SLC6A15: variants seen among roughly 807,000 people sequenced by gnomAD.
SLC6A15 encodes the protein solute carrier family 6 member 15.
Under a neutral mutation model 68.5 loss-of-function variants are expected in SLC6A15, and 33 were observed. The observed-to-expected ratio is 0.48, with a 90% CI of 0.37 to 0.64. The LOEUF is 0.64. Among genes scored for constraint, SLC6A15 ranks in the 30% least tolerant of loss-of-function variants. SLC6A15 has a pLI of 0.00. For synonymous variants in SLC6A15, 347 were observed against 301.0 expected (o/e 1.15, Z -1.58); for missense variants, 747 against 874.3 (o/e 0.85, Z 1.84).
chr12:84,909,674 C>T (rs1005523507), intron 1 of SLC6A15, among the ~76,000 whole-genome samples: 1 of 152,042 alleles, frequency 6.6e-6, no homozygotes, highest in African/African-American at 2.4e-5. Context: ...CTAATATATC[C>T]TATCATGCAT....
chr12:84,874,109 A>G (rs539026024), intron 6 of SLC6A15, among the ~76,000 whole-genome samples: 108 of 152,278 alleles, frequency 7.1e-4, no homozygotes, highest in Non-Finnish European at 4.1e-4. Context: ...TTAAATTGGC[A>G]TTTTATCTCT....
chr12:84,881,360 T>C (rs1871812782), intron 5 of SLC6A15: 48 of 716,122 alleles, frequency 6.7e-5, no homozygotes, highest in Non-Finnish European at 8.0e-5. Flanking sequence ...ATACCCACTA[T>C]TTGATCATAG....
chr12:84,893,564 G>A (rs1026320964), intron 1 of SLC6A15, among the ~76,000 whole-genome samples: 6 of 152,058 alleles, frequency 3.9e-5, no homozygotes, highest in African/African-American at 1.4e-4. Flanking sequence ...CTTCAAATCT[G>A]AATTAGGAAG....
chr12:84,903,989 T>A (rs1236367937), intron 1 of SLC6A15, among the ~76,000 whole-genome samples: 1 of 152,144 alleles, frequency 6.6e-6, no homozygotes, highest in Non-Finnish European at 1.5e-5. Context: ...TCTTTTATAG[T>A]TATTTGTTGT....
chr12:84,864,848 A>G (rs1286161630), intron 10 of SLC6A15, among the ~76,000 whole-genome samples: 1 of 151,964 alleles, frequency 6.6e-6, no homozygotes, highest in Non-Finnish European at 1.5e-5. Flanking sequence ...TATAATACCC[A>G]CCTTTGAGGG....
intron 11 of SLC6A15, 87 bp downstream of exon 11, chr12:84,863,352 A>C (rs568738833): frequency 1.6e-5 from 16 of 984,158 alleles, no homozygotes; most frequent in Non-Finnish European, 2.2e-5. Flanking sequence ...ACAGCAAAAA[A>C]TACTGTGATG....
rs1365687664 is a variant in SLC6A15 at position 84,872,658 on chromosome 12, C to T, written c.1246G>A (p.Glu416Lys). ...TTGAGATGAAGAGCAGGAAACTCTT[C>T]TTCTTTCACTTTTTGAATGATGTCA... Reference protein sequence around the residue: ...VYDIIQKVKEEEFPALHLNSC... With the variant: ...VYDIIQKVKEKEFPALHLNSC... Residue 416 changes from glutamate (E) to lysine (K), a missense_variant, in exon 8 of 12, where the codon GAA becomes AAA. Physicochemically the swap from Glu to Lys is moderately conservative, Grantham distance 56. Coordinates refer to ENST00000266682, the MANE Select transcript of SLC6A15 (RefSeq NM_182767.6). The T allele has an allele frequency of 6.2e-7, 1 of 1,611,520 alleles. No individual in the cohort carries two copies. Among genetic ancestry groups the T allele is most frequent in the East Asian group, 2.2e-5 (1 of 44,774 alleles).
chr12:84,864,993 TAA>T (rs1871008890), intron 10 of SLC6A15, among the ~76,000 whole-genome samples: 1 of 152,170 alleles, frequency 6.6e-6, no homozygotes, highest in East Asian at 1.9e-4. Context: ...ACACTAGCAT[TAA>T]AAAGAGAGAT....
intron 1 of SLC6A15, among the ~76,000 whole-genome samples, chr12:84,904,684 TGTAAA>T (rs1375437838): frequency 6.6e-6 from 1 of 152,216 alleles, no homozygotes; most frequent in African/African-American, 2.4e-5. Flanking sequence ...GTCAATCATA[TGTAAA>T]GCTGCATAAA....
chr12:84,881,617 G>A, intron 5 of SLC6A15: 1 of 985,254 alleles, frequency 1.0e-6, no homozygotes, highest in South Asian at 4.7e-5. Context: ...GTATATGCAT[G>A]TATGACTGTG....
chr12:84,904,188 G>T (rs576018545), intron 1 of SLC6A15, among the ~76,000 whole-genome samples: 315 of 148,556 alleles, frequency 2.1e-3, no homozygotes, highest in African/African-American at 7.4e-3. Flanking sequence ...TGGAAAGAGG[G>T]AGAGAAAGGG....
At chr12:84,882,164 T>C (rs963942515) in intron 5 of SLC6A15, 8 of 985,272 alleles carry the variant, frequency 8.1e-6, no homozygotes, top group Non-Finnish European at 8.4e-6. Flanking sequence ...AGAACCTGAG[T>C]ACAAGAGTTT....
chr12:84,882,665 C>T, intron 5 of SLC6A15: 1 of 186,128 alleles, frequency 5.4e-6, no homozygotes, highest in Non-Finnish European at 1.0e-5. Context: ...CATTTGACTC[C>T]AAATACTAGA....
chr12:84,876,011 C>T (rs1344648024), intron 6 of SLC6A15, among the ~76,000 whole-genome samples: 2 of 151,506 alleles, frequency 1.3e-5, no homozygotes, highest in Non-Finnish European at 1.5e-5. Flanking sequence ...TATTTTAGGG[C>T]TCTTAATCTT....
chr12:84,890,974 C>T (rs1208308719), intron 2 of SLC6A15, among the ~76,000 whole-genome samples: 2 of 152,030 alleles, frequency 1.3e-5, no homozygotes, highest in Admixed American at 6.6e-5. Flanking sequence ...ATTTCATATA[C>T]ATAGATAATA....
chr12:84,882,481 T>C, intron 5 of SLC6A15: 1 of 935,982 alleles, frequency 1.1e-6, no homozygotes, highest in Non-Finnish European at 1.3e-6. Flanking sequence ...TCAGCTACAA[T>C]TTACAAGTTA....
At chr12:84,876,331 T>A (rs1399415130) in intron 6 of SLC6A15, among the ~76,000 whole-genome samples, 166 bp downstream of exon 6, 1 of 152,108 alleles carries the variant, frequency 6.6e-6, no homozygotes, top group African/African-American at 2.4e-5. Context: ...TGGCTATAAT[T>A]ATACATAAAA....
At chr12:84,904,478 T>C (rs1873047209) in intron 1 of SLC6A15, among the ~76,000 whole-genome samples, 1 of 152,198 alleles carries the variant, frequency 6.6e-6, no homozygotes, top group Non-Finnish European at 1.5e-5. Flanking sequence ...AACATTTGTC[T>C]ATGGATAAGA....
At chr12:84,866,996 G>C (rs374061004) in intron 10 of SLC6A15, 38 bp downstream of exon 10, 4 of 1,406,050 alleles carry the variant, frequency 2.8e-6, no homozygotes, top group African/African-American at 1.5e-5. Flanking sequence ...TTTCAAACTA[G>C]AGATTAAAAG....
Sources: gnomAD v4.1 joint callset for allele counts (sites outside exome capture counted in the v4.1 genomes callset) on GRCh38, gnomAD v4.1.1 for gene constraint, MANE v1.5 for transcripts, NCBI Gene and HGNC (gene_info 2026-07-23, HGNC 2026-07-21) for gene names.